NEMF: variants seen among roughly 807,000 people sequenced by gnomAD.
NEMF encodes the protein nuclear export mediator factor.
NEMF carries 89 observed loss-of-function variants against 162.2 expected under a neutral mutation model. That is an observed-to-expected ratio of 0.55 (90% CI 0.46 to 0.65). The LOEUF (loss-of-function observed/expected upper bound fraction) is 0.65. Among genes scored for constraint, NEMF ranks in the 30% least tolerant of loss-of-function variants. The probability of loss-of-function intolerance (pLI) is 0.00; values close to 1 mark genes in which losing one functional copy is unlikely to be tolerated. For synonymous variants in NEMF, 421 were observed against 404.5 expected (o/e 1.04, Z -0.49); for missense variants, 1,133 against 1,261.9 (o/e 0.90, Z 1.55).
chr14:49,805,066 T>A (rs1443530534), intron 19 of NEMF, among the ~76,000 whole-genome samples: 1 of 152,010 alleles, frequency 6.6e-6, no homozygotes, highest in Non-Finnish European at 1.5e-5. Context: ...CAGCAAGGGA[T>A]TAAAAACACT....
intron 16 of NEMF, among the ~76,000 whole-genome samples, chr14:49,816,544 G>C (rs3126199): frequency 1 from 151,818 of 152,362 alleles, 75,640 homozygotes; most frequent in Middle Eastern, 1. Context: ...ATGGTCCTAC[G>C]GATACGTGAT....
chr14:49,846,340 G>C, intron 3 of NEMF, 75 bp from the exon 4 acceptor site: 1 of 1,368,212 alleles, frequency 7.3e-7, no homozygotes, highest in Middle Eastern at 1.8e-4. Flanking sequence ...TTATAAATAA[G>C]CTTCTTTTCA....
At chr14:49,787,402 T>C (rs1566645844) in intron 28 of NEMF, among the ~76,000 whole-genome samples, 1 of 152,184 alleles carries the variant, frequency 6.6e-6, no homozygotes, top group Non-Finnish European at 1.5e-5. Context: ...GATGGTACCT[T>C]AGGCTGGGTG....
At chr14:49,827,955 T>C (rs1892444804) in intron 15 of NEMF, among the ~76,000 whole-genome samples, 1 of 152,062 alleles carries the variant, frequency 6.6e-6, no homozygotes, top group African/African-American at 2.4e-5. Context: ...TCAGTGGAAA[T>C]AATGAGTAGT....
intron 26 of NEMF, 45 bp downstream of exon 26, chr14:49,795,746 C>G: frequency 2.0e-6 from 3 of 1,530,924 alleles, no homozygotes; most frequent in Non-Finnish European, 2.7e-6. Context: ...TAAAAAGGAA[C>G]CTCACAAATT....
chr14:49,825,328 T>G (rs989590544), intron 16 of NEMF, among the ~76,000 whole-genome samples: 22 of 151,772 alleles, frequency 1.4e-4, no homozygotes, highest in African/African-American at 5.3e-4. Flanking sequence ...AACAGAAAAA[T>G]TAAGAAGTAG....
intron 25 of NEMF, 90 bp from the exon 26 acceptor site, chr14:49,796,034 G>A: frequency 1.2e-6 from 1 of 856,018 alleles, no homozygotes; most frequent in Non-Finnish European, 1.8e-6. Context: ...CACATATACA[G>A]TATATAAATG....
chr14:49,814,960 A>C, intron 16 of NEMF, 103 bp from the exon 17 acceptor site: 1 of 669,188 alleles, frequency 1.5e-6, no homozygotes, highest in East Asian at 3.0e-5. Context: ...AGACAAGTTG[A>C]TGGTTTAATT....
At position 49,784,945 on chromosome 14, in the gene NEMF, CTT is replaced by C. The variant is rs1256735263; in HGVS notation, c.3131_3132del (p.Lys1044ArgfsTer39). On this transcript the variant is annotated frameshift_variant, in exon 32 of 33. Transcript: ENST00000298310. LOFTEE classifies it high-confidence loss of function. Reference sequence around the variant, plus strand: ...TTTACCTTTACGCTGCGGAATAAGTCTTTTTCTCTTGCTGTTGCTTCTTTGGA... The same window carrying C: ...TTTACCTTTACGCTGCGGAATAAGTCTTTCTCTTGCTGTTGCTTCTTTGGA... ...MHSKEATAREKDLFRSVKDTD... is the reference protein window; with the variant it reads ...MHSKEATAREXDLFRSVKDTD... The C allele has an allele frequency of 6.2e-7, 1 of 1,613,790 alleles. No homozygotes were observed. Among genetic ancestry groups the C allele is most frequent in the African/African-American group, 1.3e-5 (1 of 75,024 alleles).
At chr14:49,807,547 C>T (rs1891274193) in intron 18 of NEMF, among the ~76,000 whole-genome samples, 1 of 74,178 alleles carries the variant, frequency 1.3e-5, no homozygotes, top group South Asian at 6.6e-4. Context: ...TTTTCTCCAG[C>T]ATCATCACCA....
chr14:49,852,582 A>T, intron 1 of NEMF, 113 bp downstream of exon 1: 1 of 1,180,680 alleles, frequency 8.5e-7, no homozygotes, highest in South Asian at 1.3e-5. Context: ...AGGCAGGTCC[A>T]TAGACGCACT....
chr14:49,787,496 G>A (rs1329561297), intron 28 of NEMF, among the ~76,000 whole-genome samples: 1 of 152,088 alleles, frequency 6.6e-6, no homozygotes, highest in Non-Finnish European at 1.5e-5. Flanking sequence ...CACCAGCCTG[G>A]GCAACACAGG....
intron 4 of NEMF, chr14:49,844,916 G>A (rs1030524067): frequency 9.1e-5 from 20 of 218,830 alleles, no homozygotes; most frequent in Non-Finnish European, 1.7e-4. Context: ...CTACAGGCAC[G>A]CACCACCACA....
Position 49,832,244 on chromosome 14 carries a change from T to A in NEMF, c.769A>T (p.Ser257Cys), listed in dbSNP as rs3100906. 0.99 allele frequency: 1,588,136 copies of A among 1,608,468 alleles called. 785,797 individuals are homozygous for A. The highest frequency in any genetic ancestry group is 1 in the Non-Finnish European group (1,174,618 of 1,175,548). The stretch of plus-strand genomic sequence containing the variant: ...TCAACTGGTTTATCTGCTTCCAAGC[T>A]TGGTTTTATTTCTCTTTTCTGAATG... Reference protein sequence around the residue: ...YIIQKREIKPSLEADKPVEDI... With the variant: ...YIIQKREIKPCLEADKPVEDI... The change falls in exon 9 of 33, where the codon AGC becomes TGC. Residue 257 changes from serine to cysteine, a missense_variant. Ser to Cys is a moderately radical substitution (Grantham distance 112). Transcript: ENST00000298310.
intron 32 of NEMF, 104 bp downstream of exon 32, chr14:49,784,821 C>A: frequency 1.4e-6 from 2 of 1,398,064 alleles, no homozygotes; most frequent in Non-Finnish European, 2.0e-6. Flanking sequence ...GATGGTTTTA[C>A]TGCTTCTAAT....
intron 25 of NEMF, among the ~76,000 whole-genome samples, chr14:49,799,207 C>CAAAAA (rs780442972): frequency 0.058 from 3,409 of 58,948 alleles, 842 homozygotes; most frequent in African/African-American, 0.11. Context: ...GACCCTGTTT[C>CAAAAA]AAAAAAAAAA....
At chr14:49,843,338 A>T (rs971613801) in intron 4 of NEMF, among the ~76,000 whole-genome samples, 1 of 151,996 alleles carries the variant, frequency 6.6e-6, no homozygotes, top group Non-Finnish European at 1.5e-5. Context: ...TACAAAAAAT[A>T]AAAAAATTGG....
rs117890030 is a variant in NEMF at position 49,837,764 on chromosome 14, T to C, written c.574+375A>G. Among the ~76,000 whole-genome samples the C allele has an allele frequency of 3.7e-3, 546 of 149,382 alleles. 20 individuals carry two copies. In the East Asian group the frequency reaches 0.095, roughly 26 times the overall value. Reference sequence around the variant, plus strand: ...AGTGTATTGGGATCAAAAATGCTTATTGGGATCAAAAGGACCTGTCAGATG... The same window carrying C: ...AGTGTATTGGGATCAAAAATGCTTACTGGGATCAAAAGGACCTGTCAGATG... On this transcript the variant is annotated intron_variant, in intron 6 of 32. Coordinates refer to ENST00000298310, the MANE Select transcript of NEMF (RefSeq NM_004713.6).
chr14:49,844,736 C>A, intron 4 of NEMF: 1 of 104,276 alleles, frequency 9.6e-6, no homozygotes, highest in Non-Finnish European at 2.3e-5. Flanking sequence ...CGCACGCGCG[C>A]GCACACACAC....
Sources: gnomAD v4.1 joint callset for allele counts (sites outside exome capture counted in the v4.1 genomes callset) on GRCh38, gnomAD v4.1.1 for gene constraint, MANE v1.5 for transcripts, NCBI Gene and HGNC (gene_info 2026-07-23, HGNC 2026-07-21) for gene names.